SHISA9: variants seen among roughly 807,000 people sequenced by gnomAD.
The protein encoded by SHISA9 is shisa family member 9.
SHISA9 carries 13 observed loss-of-function variants against 38.0 expected under a neutral mutation model. The ratio of observed to expected loss-of-function variants is 0.34; its 90% CI spans 0.22 to 0.54. The LOEUF (loss-of-function observed/expected upper bound fraction) is 0.54. SHISA9 is among the 20% of genes least tolerant of loss of function. The pLI, the probability that SHISA9 is intolerant of heterozygous loss-of-function variation, is 0.91. For missense variants in SHISA9, 538 were observed against 575.8 expected (o/e 0.93, Z 0.67); for synonymous variants, 275 against 242.0 (o/e 1.14, Z -1.27).
chr16:13,156,380 C>CGCGT (rs1339872779), intron 2 of SHISA9, among the ~76,000 whole-genome samples: 1 of 152,098 alleles, frequency 6.6e-6, no homozygotes, highest in Non-Finnish European at 1.5e-5. Context: ...TGTGTGTACA[C>CGCGT]GCGTATATGC....
intron 2 of SHISA9, among the ~76,000 whole-genome samples, chr16:13,150,647 A>G (rs1337153696): frequency 1.3e-5 from 2 of 152,196 alleles, no homozygotes; most frequent in Admixed American, 6.5e-5. Context: ...TTGAATCAGA[A>G]TATGAATTTT....
chr16:13,380,288 A>G, the SHISA9 span, among the ~76,000 whole-genome samples: 1 of 152,224 alleles, frequency 6.6e-6, no homozygotes, highest in Non-Finnish European at 1.5e-5. Flanking sequence ...GCTGAGAACA[A>G]AAAAGTGAAA....
intron 2 of SHISA9, among the ~76,000 whole-genome samples, chr16:12,953,465 C>T (rs1242216136): frequency 6.6e-6 from 1 of 152,178 alleles, no homozygotes; most frequent in Non-Finnish European, 1.5e-5. Context: ...TGAAGCCAGA[C>T]ACCTAACACC....
At chr16:12,952,720 C>T (rs899115375) in intron 2 of SHISA9, among the ~76,000 whole-genome samples, 4 of 152,164 alleles carry the variant, frequency 2.6e-5, no homozygotes, top group African/African-American at 7.2e-5. Context: ...CCATCGAATA[C>T]ATGCCTGGCT....
At chr16:13,204,821 TG>T (rs1340074389) in intron 3 of SHISA9, 8 of 152,320 alleles carry the variant, frequency 5.3e-5, no homozygotes, top group Middle Eastern at 3.4e-3. Flanking sequence ...CAAGCAGCAG[TG>T]GGTGACAGAG....
chr16:13,156,500 T>TGAGGTGGGCAGATCACAAGGTCGG (rs1435336591), intron 2 of SHISA9, among the ~76,000 whole-genome samples: 4 of 152,062 alleles, frequency 2.6e-5, no homozygotes, highest in African/African-American at 9.7e-5. Flanking sequence ...TTTAGGAGCC[T>TGAGGTGGGCAGATCACAAGGTCGG]GAGGTGGGCA....
chr16:13,519,942 A>T, the SHISA9 span, among the ~76,000 whole-genome samples: 3 of 152,136 alleles, frequency 2.0e-5, no homozygotes, highest in Admixed American at 6.5e-5. Context: ...GGACACTCAA[A>T]TCATATCAAC....
the SHISA9 span, among the ~76,000 whole-genome samples, chr16:13,394,998 G>A: frequency 6.6e-6 from 1 of 151,524 alleles, no homozygotes; most frequent in African/African-American, 2.4e-5. Context: ...TGTGTAGGGG[G>A]TTGGTTTATC....
intron 2 of SHISA9, among the ~76,000 whole-genome samples, chr16:13,099,394 C>T (rs2073856961): frequency 6.6e-6 from 1 of 151,938 alleles, no homozygotes; most frequent in African/African-American, 2.4e-5. Flanking sequence ...GTAGCAAGCA[C>T]AAGGGAGAAT....
At chr16:13,349,001 A>G in the SHISA9 span, among the ~76,000 whole-genome samples, 1 of 151,078 alleles carries the variant, frequency 6.6e-6, no homozygotes, top group African/African-American at 2.4e-5. Context: ...GCACACACCC[A>G]CTCTTGACAT....
the SHISA9 span, among the ~76,000 whole-genome samples, chr16:13,427,356 G>C: frequency 2.0e-5 from 3 of 152,198 alleles, no homozygotes; most frequent in Non-Finnish European, 4.4e-5. Flanking sequence ...GGCAAGATTT[G>C]ACTTTCTGAC....
chr16:13,444,776 T>TTCTTCCCTCCC, the SHISA9 span, among the ~76,000 whole-genome samples: 939 of 147,420 alleles, frequency 6.4e-3, 14 homozygotes, highest in African/African-American at 0.023. Flanking sequence ...AGATTTCTCT[T>TTCTTCCCTCCC]TCTTCCCTCC....
At chr16:13,105,069 C>A (rs1327154536) in intron 2 of SHISA9, among the ~76,000 whole-genome samples, 1 of 151,742 alleles carries the variant, frequency 6.6e-6, no homozygotes, top group African/African-American at 2.4e-5. Flanking sequence ...TGTTTAACGT[C>A]AAGGAAATAT....
chr16:12,910,539 G>T (rs1490210524), intron 1 of SHISA9: 4 of 985,372 alleles, frequency 4.1e-6, no homozygotes, highest in African/African-American at 3.5e-5. Flanking sequence ...AGAAAGTACT[G>T]GTTCTAGTAC....
intron 1 of SHISA9, among the ~76,000 whole-genome samples, chr16:12,906,131 T>C (rs2071090507): frequency 6.6e-6 from 1 of 152,132 alleles, no homozygotes; most frequent in African/African-American, 2.4e-5. Context: ...CAAAGCAGCT[T>C]CCAGGTGAAA....
At chr16:12,912,332 CAAGAG>C (rs751991148) in intron 1 of SHISA9, among the ~76,000 whole-genome samples, 7 of 152,130 alleles carry the variant, frequency 4.6e-5, no homozygotes, top group East Asian at 3.9e-4. Flanking sequence ...TTTTGGTACT[CAAGAG>C]AAGCCCAGGG....
At chr16:13,228,700 A>G (rs958656042) in intron 4 of SHISA9, among the ~76,000 whole-genome samples, 1 of 151,118 alleles carries the variant, frequency 6.6e-6, no homozygotes, top group African/African-American at 2.5e-5. Flanking sequence ...TTTTGCTCAT[A>G]TATTTTTTTT....
At chr16:13,169,085 G>A (rs544458444) in intron 2 of SHISA9, among the ~76,000 whole-genome samples, 4 of 152,140 alleles carry the variant, frequency 2.6e-5, no homozygotes, top group South Asian at 2.1e-4. Context: ...TGACCCCTAC[G>A]GAAGACCTCA....
At chr16:13,554,472 C>T in the SHISA9 span, among the ~76,000 whole-genome samples, 2 of 147,324 alleles carry the variant, frequency 1.4e-5, no homozygotes, top group East Asian at 3.9e-4. Flanking sequence ...CAAGAACTCT[C>T]ACATTTGTTT....
Sources: gnomAD v4.1 joint callset for allele counts (sites outside exome capture counted in the v4.1 genomes callset) on GRCh38, gnomAD v4.1.1 for gene constraint, MANE v1.5 for transcripts, NCBI Gene and HGNC (gene_info 2026-07-23, HGNC 2026-07-21) for gene names.